Variants in GABBR2 observed in about 807,000 individuals in gnomAD.
GABBR2 encodes G-protein coupled receptor 51.
GABBR2 carries 23 observed loss-of-function variants against 105.6 expected under a neutral mutation model. That is an observed-to-expected ratio of 0.22 (90% confidence interval 0.16 to 0.31). The LOEUF is 0.31. Ranked by LOEUF, GABBR2 falls within the 10% of genes least tolerant of loss-of-function variation. The pLI is 1.00. For synonymous variants in GABBR2, 478 were observed against 499.7 expected, an observed-to-expected ratio of 0.96 and a Z score of 0.58; for missense variants, 734 against 1,245.5, an observed-to-expected ratio of 0.59 and a Z score of 6.18.
chr9:98,507,093 C>G (rs545937722), intron 3 of GABBR2, among the ~76,000 whole-genome samples: 2 of 152,314 alleles, frequency 1.3e-5, no homozygotes, highest in South Asian at 4.1e-4. Context: ...CTCTTTCGAT[C>G]AGCCAGGCTG....
At chr9:98,690,292 G>A (rs1830668355) in intron 1 of GABBR2, among the ~76,000 whole-genome samples, 2 of 152,112 alleles carry the variant, frequency 1.3e-5, no homozygotes, top group South Asian at 2.1e-4. Context: ...CAGGAACCAG[G>A]ACCAAGCCTT....
chr9:98,410,104 C>A (rs1172065895), intron 7 of GABBR2, among the ~76,000 whole-genome samples: 1 of 149,492 alleles, frequency 6.7e-6, no homozygotes, highest in Non-Finnish European at 1.5e-5. Flanking sequence ...TTCCTAACAC[C>A]CCAGCTTGAG....
At chr9:98,591,632 T>C (rs1829146249) in intron 1 of GABBR2, among the ~76,000 whole-genome samples, 1 of 152,158 alleles carries the variant, frequency 6.6e-6, no homozygotes, top group Non-Finnish European at 1.5e-5. Flanking sequence ...GAGACATGTG[T>C]CCACTGGGGA....
chr9:98,404,378 A>G (rs1832452568), intron 8 of GABBR2, among the ~76,000 whole-genome samples: 1 of 152,192 alleles, frequency 6.6e-6, no homozygotes, highest in African/African-American at 2.4e-5. Context: ...GTATGTCTAC[A>G]AGATTGCATT....
intron 7 of GABBR2, among the ~76,000 whole-genome samples, chr9:98,431,576 C>T (rs1177272215): frequency 6.6e-6 from 1 of 151,786 alleles, no homozygotes; most frequent in African/African-American, 2.4e-5. Flanking sequence ...TGGGTAAGAG[C>T]AGAATTCAGA....
At chr9:98,683,284 G>A (rs773285304) in intron 1 of GABBR2, among the ~76,000 whole-genome samples, 3 of 152,130 alleles carry the variant, frequency 2.0e-5, no homozygotes, top group Non-Finnish European at 2.9e-5. Flanking sequence ...AGTAGAGACC[G>A]GGTTTCACCA....
intron 1 of GABBR2, among the ~76,000 whole-genome samples, chr9:98,609,579 G>A (rs2131812290): frequency 6.6e-6 from 1 of 152,310 alleles, no homozygotes; most frequent in African/African-American, 2.4e-5. Context: ...TAAGCCCTAA[G>A]CAATGAGTGG....
At chr9:98,537,477 GT>G (rs1445417966) in intron 3 of GABBR2, among the ~76,000 whole-genome samples, 3 of 151,874 alleles carry the variant, frequency 2.0e-5, no homozygotes, top group Non-Finnish European at 4.4e-5. Flanking sequence ...TTGAGACAGG[GT>G]CTCACTGTCT....
chr9:98,376,287 A>G (rs1831872471), intron 11 of GABBR2, among the ~76,000 whole-genome samples: 1 of 152,224 alleles, frequency 6.6e-6, no homozygotes, highest in Non-Finnish European at 1.5e-5. Context: ...GAAAATGGAC[A>G]TACAACCTCT....
At chr9:98,291,852 A>G (rs1830307684) in intron 18 of GABBR2, among the ~76,000 whole-genome samples, 1 of 152,224 alleles carries the variant, frequency 6.6e-6, no homozygotes, top group Admixed American at 6.5e-5. Context: ...ACTCTCTGCT[A>G]GGAGAACCCT....
At chr9:98,637,428 A>G (rs1758793) in intron 1 of GABBR2, among the ~76,000 whole-genome samples, 141,014 of 152,276 alleles carry the variant, frequency 0.93, 65,398 homozygotes, top group Middle Eastern at 0.97. Flanking sequence ...GCCCCCCAAG[A>G]ATGCCCACAT....
intron 1 of GABBR2, among the ~76,000 whole-genome samples, chr9:98,639,752 A>G (rs1436144677): frequency 6.6e-6 from 1 of 152,012 alleles, no homozygotes; most frequent in African/African-American, 2.4e-5. Context: ...TGCAACTTGC[A>G]GTGTCTGCAT....
In GABBR2 at chr9:98,299,217, C is replaced by T. The variant is rs371247282; in HGVS notation, c.2542+7G>A. On this transcript the variant is annotated splice_region_variant and intron_variant, in intron 17 of 18. Coordinates refer to ENST00000259455, the MANE Select transcript of GABBR2 (RefSeq NM_005458.8). ...CCTACCACATTCTGGGGCCCTGGCTCTCTTACCTGTGCTCTCAGTGAAGTT... is the reference window on the plus strand; with the variant it reads ...CCTACCACATTCTGGGGCCCTGGCTTTCTTACCTGTGCTCTCAGTGAAGTT... The T allele has an allele frequency of 1.6e-5, 26 of 1,613,576 alleles. No homozygotes were observed. Among genetic ancestry groups the T allele is most frequent in the African/African-American group, 8.0e-5 (6 of 74,936 alleles).
intron 1 of GABBR2, among the ~76,000 whole-genome samples, chr9:98,664,338 A>C (rs1300546444): frequency 6.6e-6 from 1 of 152,206 alleles, no homozygotes; most frequent in Non-Finnish European, 1.5e-5. Flanking sequence ...CAAAAACCAG[A>C]TGGATCCTGG....
chr9:98,508,002 G>A (rs1827547521), intron 3 of GABBR2, among the ~76,000 whole-genome samples: 1 of 152,216 alleles, frequency 6.6e-6, no homozygotes, highest in African/African-American at 2.4e-5. Context: ...ATGCTGAGCT[G>A]TTGGGGAATG....
At chr9:98,577,560 T>C (rs1828937801) in intron 2 of GABBR2, among the ~76,000 whole-genome samples, 1 of 152,020 alleles carries the variant, frequency 6.6e-6, no homozygotes, top group Non-Finnish European at 1.5e-5. Context: ...GGCCCAAAGG[T>C]CCAGGGCGCA....
intron 2 of GABBR2, among the ~76,000 whole-genome samples, chr9:98,550,161 C>A (rs1254284881): frequency 6.6e-6 from 1 of 152,154 alleles, no homozygotes; most frequent in African/African-American, 2.4e-5. Context: ...CAAGTCTTCC[C>A]AGTTATCCCA....
chr9:98,417,038 C>CTCCACACCCTGAGCTGAATA (rs1343299083), intron 7 of GABBR2, among the ~76,000 whole-genome samples: 1 of 152,202 alleles, frequency 6.6e-6, no homozygotes, highest in African/African-American at 2.4e-5. Context: ...CGGCTCCTTC[C>CTCCACACCCTGAGCTGAATA]TCCACACCCT....
intron 1 of GABBR2, among the ~76,000 whole-genome samples, chr9:98,639,804 AT>A: frequency 6.6e-6 from 1 of 151,868 alleles, no homozygotes; most frequent in South Asian, 2.1e-4. Flanking sequence ...CGGTGGTCTC[AT>A]TAAAAATAGC....
Sources: gnomAD v4.1 joint callset for allele counts (sites outside exome capture counted in the v4.1 genomes callset) on GRCh38, gnomAD v4.1.1 for gene constraint, MANE v1.5 for transcripts, NCBI Gene and HGNC (gene_info 2026-07-23, HGNC 2026-07-21) for gene names.